Variants in STRN4 observed in about 807,000 individuals in gnomAD.
STRN4 encodes striatin 4.
In STRN4, 27 loss-of-function variants were observed where a neutral mutation model predicts 77.9. The ratio of observed to expected loss-of-function variants is 0.35; its 90% CI spans 0.26 to 0.48. The LOEUF (loss-of-function observed/expected upper bound fraction) is 0.48. STRN4 is among the 20% of genes least tolerant of loss of function. STRN4 has a pLI of 0.99. For synonymous variants in STRN4, 466 were observed against 443.1 expected, an observed-to-expected ratio of 1.05 and a Z score of -0.65; for missense variants, 798 against 1,049.7, an observed-to-expected ratio of 0.76 and a Z score of 3.31.
Position 46,723,157 on chromosome 19 carries a change from G to A in STRN4, c.1722C>T (p.Ser574=), listed in dbSNP as rs1294185987. The part of the protein sequence containing the change: ...ADGTVRIWDP[S]SSSPACLCTF... ...TGCAGAGGCAGGCCGGGCTGCTGCT[G>A]CTGGGGTCCCAGATGCGGACGGTGC... is the stretch of plus-strand genomic sequence containing the variant. Residue 574 remains serine, a synonymous_variant, in exon 13 of 18, where the codon AGC becomes AGT. Transcript: ENST00000263280. This position sits in a 1 kb window ranked among gnomAD's most constrained non-coding sequence, Gnocchi z 5.5. 1 of 1,566,914 alleles carries A rather than the reference G, an allele frequency of 6.4e-7. No individual in the cohort carries two copies. Among genetic ancestry groups the A allele is most frequent in the South Asian group, 1.2e-5 (1 of 85,660 alleles).
rs2054425005 is a variant in STRN4, at chr19:46,738,991, C to T, written c.283-103G>A. 3 of 906,494 alleles carry T rather than the reference C, an allele frequency of 3.3e-6. No homozygotes were observed. The highest frequency in any genetic ancestry group is 5.3e-6 in the Non-Finnish European group (3 of 567,918). 56.2% of individuals were successfully genotyped at this position (906,494 alleles called of 1,614,324 possible). A position where few individuals can be genotyped will look rare whatever the true frequency, so the allele number is the denominator to read the frequency against. ...ATAGTGCCAGCCCACAGTCACCCCA[C>T]AGTAATGGGCAGCAGCCACTTCCTC... On this transcript the variant is annotated intron_variant, in intron 1 of 17. Coordinates refer to ENST00000263280, the MANE Select transcript of STRN4 (RefSeq NM_013403.3). This position sits in a 1 kb window ranked among gnomAD's most constrained non-coding sequence, Gnocchi z 4.5.
chr19:46,738,572 G>A lies in STRN4; in HGVS notation c.386+213C>T, dbSNP rs2054415308. Among the ~76,000 whole-genome samples the A allele has an allele frequency of 2.0e-5, 3 of 152,154 alleles. No homozygotes were observed. Among genetic ancestry groups the A allele is most frequent in the Admixed American group, 6.5e-5 (1 of 15,274 alleles). The stretch of plus-strand genomic sequence containing the variant: ...ACTATACGATATTTGGCGCACAGTG[G>A]GCCACTAGCATCGTGAATATCGTTC... On this transcript the variant is annotated intron_variant, in intron 2 of 17. Transcript: ENST00000263280. This position sits in a 1 kb window ranked among gnomAD's most constrained non-coding sequence, Gnocchi z 4.5.
chr19:46,725,334 G>A lies in STRN4; in HGVS notation c.1470C>T (p.His490=). The change falls in exon 11 of 18, where the codon CAC becomes CAT. Residue 490 remains histidine, a splice_region_variant and synonymous_variant. Transcript: ENST00000263280. ...DVEPIHAFRA[H]RGPVLAVAMG... is the part of the protein sequence containing the mutation. Reference sequence around the variant, plus strand: ...CAGGCTCAGGGGCACCTCCCTACCTGTGAGCCCGGAAAGCATGTATAGGTT... The same window carrying A: ...CAGGCTCAGGGGCACCTCCCTACCTATGAGCCCGGAAAGCATGTATAGGTT... 1 of 1,614,188 alleles carries A rather than the reference G, an allele frequency of 6.2e-7. No individual in the cohort carries two copies.
Position 46,727,879 on chromosome 19 carries a change from G to C in STRN4, c.1153+15C>G. 1.3e-6 allele frequency: 2 copies of C among 1,582,562 alleles called. No homozygotes were observed. The highest frequency in any genetic ancestry group is 1.2e-5 in the South Asian group (1 of 86,908). ...GGGCCCGCAGGACTGGGACCAGGTGGGGGGTGCCTCTTACCTTCATGTGGC... is the reference window on the plus strand; with the variant it reads ...GGGCCCGCAGGACTGGGACCAGGTGCGGGGTGCCTCTTACCTTCATGTGGC... On this transcript the variant is annotated intron_variant, in intron 8 of 17. Coordinates refer to ENST00000263280, the MANE Select transcript of STRN4 (RefSeq NM_013403.3).
chr19:46,724,937 G>T lies in STRN4; in HGVS notation c.1473-9C>A. ...CAGCCAACACTGGGCCCCTGGAAGG[G>T]ACAAATATGTGGAAAGGGGGATGAG... On this transcript the variant is annotated splice_polypyrimidine_tract_variant and intron_variant, in intron 11 of 17. Coordinates refer to ENST00000263280, the MANE Select transcript of STRN4 (RefSeq NM_013403.3). 6.2e-7 allele frequency: 1 copy of T among 1,613,828 alleles called. No individual in the cohort carries two copies. The highest frequency in any genetic ancestry group is 1.1e-5 in the South Asian group (1 of 91,090).
Position 46,738,837 on chromosome 19 carries a change from T to C in STRN4, c.334A>G (p.Thr112Ala). ...ATCTTGATCCGCCGCACCAGGTCCG[T>C]CTTTAGATTCTCCTGCCCTTTCCTC... ...GERKGQENLK[T>A]DLVRRIKMLE... The change falls in exon 2 of 18, where the codon ACG (threonine) becomes GCG (alanine). Residue 112 changes from threonine to alanine, a missense_variant. Physicochemically the swap from Thr to Ala is moderately conservative, Grantham distance 58. Transcript: ENST00000263280. The surrounding 1 kb of genome is among the most constrained non-coding windows in gnomAD (Gnocchi z 4.5). The C allele has an allele frequency of 6.2e-7, 1 of 1,614,124 alleles. No individual in the cohort carries two copies. Among genetic ancestry groups the C allele is most frequent in the Non-Finnish European group, 8.5e-7 (1 of 1,180,032 alleles).
Position 46,730,755 on chromosome 19 carries a change from G to C in STRN4, c.856C>G (p.Gln286Glu). Residue 286 changes from glutamine (Q) to glutamate (E), a missense_variant, in exon 6 of 18, where the codon CAG (glutamine) becomes GAG (glutamate). By Grantham distance (29) the Gln-to-Glu change is conservative. Transcript: ENST00000263280. ...ACCTTCACACGCTGCTTCTTGTGCT[G>C]CACGCTGTCCAGCTCATCGTCCTCG... ...SDEDDELDSV[Q>E]HKKQRVKLPS... 6.2e-7 allele frequency: 1 copy of C among 1,612,500 alleles called. No homozygotes were observed. The highest frequency in any genetic ancestry group is 1.1e-5 in the South Asian group (1 of 91,066).
At chr19:46,721,840 C>A (rs1304000125) in intron 16 of STRN4, 146 bp downstream of exon 16, 20 of 786,736 alleles carry the variant, frequency 2.5e-5, no homozygotes, top group Non-Finnish European at 4.2e-5. Context: ...TGTGCTGCCC[C>A]CTATGGTCAC....
chr19:46,738,402 C>T lies in STRN4; in HGVS notation c.387-165G>A, dbSNP rs12976352. 0.34 allele frequency among the ~76,000 whole-genome samples: 51,507 copies of T among 151,868 alleles called. 8,876 individuals are homozygous for T. Among genetic ancestry groups the T allele is most frequent in the South Asian group, 0.41 (1,971 of 4,810 alleles). On this transcript the variant is annotated intron_variant, in intron 2 of 17. Coordinates refer to ENST00000263280, the MANE Select transcript of STRN4 (RefSeq NM_013403.3). The surrounding 1 kb of genome is among the most constrained non-coding windows in gnomAD (Gnocchi z 4.5). ...CACACCCCTGGCCTGGTGGAAGAAACCACTCCCTGGAGTCAGGCAACCTAG... is the reference window on the plus strand; with the variant it reads ...CACACCCCTGGCCTGGTGGAAGAAATCACTCCCTGGAGTCAGGCAACCTAG...
intron 11 of STRN4, 128 bp downstream of exon 11, chr19:46,725,204 G>A: frequency 7.6e-7 from 1 of 1,309,244 alleles, no homozygotes; most frequent in Non-Finnish European, 1.1e-6. Flanking sequence ...TATCATGAAG[G>A]GGGCGGGGAC....
At chr19:46,742,730 T>C (rs980933763) in intron 1 of STRN4, among the ~76,000 whole-genome samples, 2 of 152,168 alleles carry the variant, frequency 1.3e-5, no homozygotes, top group Admixed American at 1.3e-4. Context: ...GCCCGACTAA[T>C]TTCTGTATTT....
Position 46,738,050 on chromosome 19 carries a change from G to T in STRN4, c.460+114C>A. The T allele has an allele frequency of 9.0e-7, 1 of 1,116,512 alleles. No homozygotes were observed. The highest frequency in any genetic ancestry group is 1.4e-6 in the Non-Finnish European group (1 of 732,512). 69.2% of individuals were successfully genotyped at this position (1,116,512 alleles called of 1,614,324 possible). On this transcript the variant is annotated intron_variant, in intron 3 of 17. Coordinates refer to ENST00000263280, the MANE Select transcript of STRN4 (RefSeq NM_013403.3). This position sits in a 1 kb window ranked among gnomAD's most constrained non-coding sequence, Gnocchi z 4.5. ...TCCGCCCCTCCCCAGCCCCGGGGCC[G>T]ATTCTGCCTTCTAAGGAGCAAAGTG...
rs748049506 is a variant in STRN4, at chr19:46,722,361, A to G, written c.1907-21T>C. The G allele has an allele frequency of 1.9e-6, 3 of 1,610,188 alleles. No homozygotes were observed. In the East Asian group the frequency reaches 6.7e-5, roughly 36 times the overall value. ...TGGACCTGAAGGAAAACGCAGGAAG[A>G]GGGAAGGATGTCAAGCAGAAAATCA... On this transcript the variant is annotated intron_variant, in intron 14 of 17. Coordinates refer to ENST00000263280, the MANE Select transcript of STRN4 (RefSeq NM_013403.3).
At position 46,738,054 on chromosome 19, in the gene STRN4, C is replaced by G; in HGVS notation, c.460+110G>C. The G allele has an allele frequency of 8.6e-7, 1 of 1,164,864 alleles. No individual in the cohort carries two copies. The highest frequency in any genetic ancestry group is 1.3e-6 in the Non-Finnish European group (1 of 774,342). The allele number at this position is 1,164,864 out of a possible 1,614,324, so 72.2% of individuals were successfully genotyped here. A position where few individuals can be genotyped will look rare whatever the true frequency, so the allele number is the denominator to read the frequency against. ...CCCCTCCCCAGCCCCGGGGCCGATT[C>G]TGCCTTCTAAGGAGCAAAGTGAGAA... On this transcript the variant is annotated intron_variant, in intron 3 of 17. Transcript: ENST00000263280. This position sits in a 1 kb window ranked among gnomAD's most constrained non-coding sequence, Gnocchi z 4.5.
Position 46,720,229 on chromosome 19 carries a change from A to C in STRN4, c.*176T>G. ...CATCCCCAGGCTGGATGCTTGGGGA[A>C]GGCAGCCGTTGGGGAGGGATTCCTG... On this transcript the variant is annotated 3_prime_UTR_variant, in exon 18 of 18. Coordinates refer to ENST00000263280, the MANE Select transcript of STRN4 (RefSeq NM_013403.3). 2.9e-5 allele frequency: 5 copies of C among 174,452 alleles called. No homozygotes were observed. The highest frequency in any genetic ancestry group is 1.5e-4 in the East Asian group (1 of 6,856). 10.8% of individuals were successfully genotyped at this position (174,452 alleles called of 1,614,324 possible). A position where few individuals can be genotyped will look rare whatever the true frequency, so the allele number is the denominator to read the frequency against.
In STRN4 at chr19:46,738,463, C is replaced by A. The variant is rs2054413006; in HGVS notation, c.387-226G>T. ...GGGGTCCTTGAGGAAACCATCAGCC[C>A]TTGAAACCCCAGTTCCTTATCTGAA... On this transcript the variant is annotated intron_variant, in intron 2 of 17. Transcript: ENST00000263280. This position sits in a 1 kb window ranked among gnomAD's most constrained non-coding sequence, Gnocchi z 4.5. Among the ~76,000 whole-genome samples, 1 of 152,272 alleles carries A rather than the reference C, an allele frequency of 6.6e-6. No individual in the cohort carries two copies. Among genetic ancestry groups the A allele is most frequent in the South Asian group, 2.1e-4 (1 of 4,830 alleles).
intron 3 of STRN4, among the ~76,000 whole-genome samples, chr19:46,737,821 G>A (rs950972451): frequency 2.0e-5 from 3 of 152,060 alleles, no homozygotes; most frequent in East Asian, 3.8e-4. Context: ...CTGTTCAAAC[G>A]CCACCTCCTC....
intron 12 of STRN4, among the ~76,000 whole-genome samples, chr19:46,724,347 C>A (rs1030033943): frequency 4.0e-5 from 6 of 150,954 alleles, no homozygotes; most frequent in African/African-American, 1.5e-4. Flanking sequence ...GTCTTAGATG[C>A]TCCAAAGAGA....
chr19:46,727,730 A>T, intron 8 of STRN4, 164 bp downstream of exon 8: 2 of 770,610 alleles, frequency 2.6e-6, no homozygotes, highest in Non-Finnish European at 2.1e-6. Context: ...CAGGACAGAC[A>T]AAAAGAGAGG....
Sources: gnomAD v4.1 joint callset for allele counts (sites outside exome capture counted in the v4.1 genomes callset) on GRCh38, gnomAD v4.1.1 for gene constraint, Gnocchi (gnomAD v3.1) non-coding constraint, MANE v1.5 for transcripts, NCBI Gene and HGNC (gene_info 2026-07-23, HGNC 2026-07-21) for gene names.